Variants in CDH12 observed in about 807,000 individuals in gnomAD.
CDH12 encodes the protein cadherin-12.
Under a neutral mutation model 74.1 loss-of-function variants are expected in CDH12, and 41 were observed. The observed-to-expected ratio is 0.55, with a 90% CI of 0.43 to 0.72. CDH12 has a LOEUF of 0.72. Among genes scored for constraint, CDH12 ranks in the 30% least tolerant of loss-of-function variants. The probability of loss-of-function intolerance (pLI) is 0.00; values close to 1 mark genes in which losing one functional copy is unlikely to be tolerated. For synonymous variants in CDH12, 399 were observed against 355.0 expected, an observed-to-expected ratio of 1.12 and a Z score of -1.39; for missense variants, 945 against 977.2, an observed-to-expected ratio of 0.97 and a Z score of 0.44.
chr5:22,008,451 A>G lies in CDH12; in HGVS notation c.232-33066T>C, dbSNP rs936058472. On this transcript the variant is annotated intron_variant, in intron 5 of 14. Transcript: ENST00000382254. ...ACCTTGTTGGCCAGGCTGGTCTCCAACTCCTGACCTCAAGTGATCCGCCCA... is the reference window on the plus strand; with the variant it reads ...ACCTTGTTGGCCAGGCTGGTCTCCAGCTCCTGACCTCAAGTGATCCGCCCA... Among the ~76,000 whole-genome samples, 177 of 151,506 alleles carry G rather than the reference A, an allele frequency of 1.2e-3. 3 individuals are homozygous for G. Among genetic ancestry groups the G allele is most frequent in the Non-Finnish European group, 5.0e-4 (34 of 67,830 alleles).
intron 4 of CDH12, among the ~76,000 whole-genome samples, chr5:22,089,697 C>T (rs191555700): frequency 1.3e-5 from 2 of 152,018 alleles, no homozygotes; most frequent in Admixed American, 1.3e-4. Context: ...GATATAATTA[C>T]ATTAAAAATC....
intron 1 of CDH12, among the ~76,000 whole-genome samples, chr5:22,821,543 G>A (rs1375423762): frequency 6.6e-6 from 1 of 152,072 alleles, no homozygotes; most frequent in Non-Finnish European, 1.5e-5. Context: ...AAAGTCTCAG[G>A]ATATAAAATC....
chr5:22,786,300 A>G (rs1424838165), intron 1 of CDH12, among the ~76,000 whole-genome samples: 2 of 152,194 alleles, frequency 1.3e-5, no homozygotes, highest in Non-Finnish European at 1.5e-5. Context: ...AATAACATAT[A>G]ATAGGGCCAT....
At chr5:22,224,554 G>A (rs145347305) in intron 3 of CDH12, among the ~76,000 whole-genome samples, 1 of 152,024 alleles carries the variant, frequency 6.6e-6, no homozygotes, top group Non-Finnish European at 1.5e-5. Flanking sequence ...CAGAATTGAG[G>A]ATACTATGTA....
intron 7 of CDH12, among the ~76,000 whole-genome samples, chr5:21,849,467 T>A (rs7717688): frequency 6.6e-6 from 1 of 151,744 alleles, no homozygotes; most frequent in African/African-American, 2.4e-5. Context: ...AAATAGGTAA[T>A]AATATGTGCT....
At chr5:22,174,071 T>C (rs868160553) in intron 4 of CDH12, among the ~76,000 whole-genome samples, 2 of 152,122 alleles carry the variant, frequency 1.3e-5, no homozygotes, top group South Asian at 2.1e-4. Context: ...TATCATTTCA[T>C]TTTCACAAAA....
At chr5:21,758,647 A>C (rs1744538511) in intron 13 of CDH12, among the ~76,000 whole-genome samples, 1 of 152,174 alleles carries the variant, frequency 6.6e-6, no homozygotes, top group South Asian at 2.1e-4. Context: ...TAATATTTCT[A>C]ATCCAGTGTC....
rs76683264 is a variant in CDH12, at chr5:22,052,921, G to A, written c.231+25525C>T. On this transcript the variant is annotated intron_variant, in intron 5 of 14. Coordinates refer to ENST00000382254, the MANE Select transcript of CDH12 (RefSeq NM_004061.5). ...TAGGAATATATCATTGTATATTTTG[G>A]CATCTAATATTTATGTAACAAGAAT... 2.0e-4 allele frequency among the ~76,000 whole-genome samples: 30 copies of A among 151,964 alleles called. 1 individual carries two copies. In the East Asian group the frequency reaches 5.8e-3, roughly 29 times the overall value.
At position 22,274,421 on chromosome 5, in the gene CDH12, T is replaced by C. The variant is rs142189022; in HGVS notation, c.-332-61778A>G. On this transcript the variant is annotated intron_variant, in intron 3 of 14. Coordinates refer to ENST00000382254, the MANE Select transcript of CDH12 (RefSeq NM_004061.5). ...TGTTTAGCACTATCTCTAAAATTAA[T>C]TTATAAGATTTAGTTGACATAAATG... Among the ~76,000 whole-genome samples, 357 of 152,246 alleles carry C rather than the reference T, an allele frequency of 2.3e-3. 2 individuals carry two copies. Among genetic ancestry groups the C allele is most frequent in the African/African-American group, 8.2e-3 (339 of 41,558 alleles).
At chr5:22,713,684 A>C (rs1743416442) in intron 1 of CDH12, among the ~76,000 whole-genome samples, 1 of 152,122 alleles carries the variant, frequency 6.6e-6, no homozygotes, top group Admixed American at 6.6e-5. Context: ...ATACATAGAT[A>C]CATACACTGG....
intron 4 of CDH12, among the ~76,000 whole-genome samples, chr5:22,107,063 C>A (rs1744488483): frequency 1.3e-5 from 2 of 151,924 alleles, no homozygotes; most frequent in East Asian, 1.9e-4. Flanking sequence ...TAGACTGTGG[C>A]AATTCAACTC....
intron 11 of CDH12, among the ~76,000 whole-genome samples, chr5:21,769,823 A>G (rs145503845): frequency 2.1e-4 from 32 of 152,298 alleles, no homozygotes; most frequent in African/African-American, 7.7e-4. Context: ...GATGTAATCT[A>G]TTGAGATTCC....
chr5:22,280,164 A>G (rs1736813628), intron 3 of CDH12, among the ~76,000 whole-genome samples: 1 of 152,168 alleles, frequency 6.6e-6, no homozygotes, highest in African/African-American at 2.4e-5. Context: ...TGTTGGCTGC[A>G]TAAATGTCTT....
chr5:22,539,495 A>G (rs1195055521), intron 1 of CDH12, among the ~76,000 whole-genome samples: 2 of 152,212 alleles, frequency 1.3e-5, no homozygotes, highest in African/African-American at 2.4e-5. Flanking sequence ...TTCTTGAGAA[A>G]GGCAATGAAA....
At chr5:21,899,073 G>A (rs1372631713) in intron 6 of CDH12, among the ~76,000 whole-genome samples, 3 of 152,094 alleles carry the variant, frequency 2.0e-5, no homozygotes, top group Admixed American at 6.5e-5. Flanking sequence ...CCACCTGGGG[G>A]TTGTTCCCTC....
chr5:22,490,495 G>T (rs576735090), intron 2 of CDH12, among the ~76,000 whole-genome samples: 2 of 151,170 alleles, frequency 1.3e-5, no homozygotes, highest in East Asian at 3.9e-4. Context: ...AATTGAGAAA[G>T]AGAAAGTGCT....
At chr5:22,216,725 T>C (rs546469945) in intron 3 of CDH12, among the ~76,000 whole-genome samples, 1 of 152,044 alleles carries the variant, frequency 6.6e-6, no homozygotes, top group South Asian at 2.1e-4. Context: ...TTATTTTTGA[T>C]TCCGGTTTCA....
chr5:21,753,849 C>T (rs555520865), intron 14 of CDH12, among the ~76,000 whole-genome samples: 53 of 152,154 alleles, frequency 3.5e-4, no homozygotes, highest in Non-Finnish European at 6.3e-4. Context: ...CCAGAACATA[C>T]CAAGCCATGT....
In CDH12 at chr5:21,843,953, G is replaced by T. The variant is rs1258840359; in HGVS notation, c.647-1625C>A. On this transcript the variant is annotated intron_variant, in intron 7 of 14. Transcript: ENST00000382254. ...GTCTATCTTAATTCATTTTCAATAA[G>T]AAAATTATGTATAACTTTCTTAATT... Among the ~76,000 whole-genome samples, 5 of 152,198 alleles carry T rather than the reference G, an allele frequency of 3.3e-5. No homozygotes were observed. The East Asian group carries it at 9.7e-4, about 29-fold the overall frequency.
Sources: gnomAD v4.1 joint callset for allele counts (sites outside exome capture counted in the v4.1 genomes callset) on GRCh38, gnomAD v4.1.1 for gene constraint, MANE v1.5 for transcripts, NCBI Gene and HGNC (gene_info 2026-07-23, HGNC 2026-07-21) for gene names.